MDN1: variants seen among roughly 807,000 people sequenced by gnomAD.
The protein encoded by MDN1 is midasin AAA ATPase 1.
A neutral mutation model predicts 669.2 loss-of-function variants in MDN1; 266 were observed. The observed-to-expected ratio is 0.40, with a 90% CI of 0.36 to 0.44. MDN1 has a LOEUF of 0.44. Among genes scored for constraint, MDN1 ranks in the 20% least tolerant of loss-of-function variants. The pLI is 1.00. For synonymous variants in MDN1, 2,385 were observed against 2,457.1 expected, an observed-to-expected ratio of 0.97 and a Z score of 0.87; for missense variants, 5,940 against 6,754.0, an observed-to-expected ratio of 0.88 and a Z score of 4.22.
chr6:89,689,122 T>C (rs1386152768), intron 65 of MDN1, among the ~76,000 whole-genome samples: 2 of 152,330 alleles, frequency 1.3e-5, no homozygotes, highest in East Asian at 3.9e-4. Context: ...GCTGAGATTG[T>C]GCCACTGCAC....
At position 89,690,032 on chromosome 6, in the gene MDN1, G is replaced by T. The variant is rs778110240; in HGVS notation, c.10861C>A (p.Gln3621Lys). 2 of 1,614,086 alleles carry T rather than the reference G, an allele frequency of 1.2e-6. No individual in the cohort carries two copies. Among genetic ancestry groups the T allele is most frequent in the Non-Finnish European group, 1.7e-6 (2 of 1,180,036 alleles). Reference protein sequence around the residue: ...NPALLSQNSMQAVMLIHQQLC... With the variant: ...NPALLSQNSMKAVMLIHQQLC... ...TGCTGGTGTATCAGCATTACTGCCT[G>T]CATTGAATTCTGGGAGAGGAGAGCT... is the stretch of plus-strand genomic sequence containing the variant. The change falls in exon 65 of 102, where the codon CAG becomes AAG. Residue 3621 changes from glutamine (Q) to lysine (K), a missense_variant. Gln to Lys is a moderately conservative substitution (Grantham distance 53). This residue lies in a region of MDN1 where 2,280 missense variants were observed against 2,576.3 expected (regional missense o/e 0.88). Transcript: ENST00000369393.
chr6:89,664,214 A>T (rs1409816455), intron 85 of MDN1, among the ~76,000 whole-genome samples: 1 of 90,606 alleles, frequency 1.1e-5, no homozygotes, highest in Non-Finnish European at 2.1e-5. Context: ...ATTAGGGATC[A>T]TCTCCTTTCA....
rs142428486 is a variant in MDN1 at position 89,749,269 on chromosome 6, G to A, written c.3716C>T (p.Pro1239Leu). ...ETILHKRCSL[P>L]PSYCSKLVKV... ...AACCAACTTGCTGCAATAGGAGGGT[G>A]GCAAACTACACCGCTTGTGCAAGAT... is the stretch of plus-strand genomic sequence containing the variant. Residue 1239 changes from proline to leucine, a missense_variant, in exon 26 of 102, where the codon CCA (proline) becomes CTA (leucine). Pro to Leu is a moderately conservative substitution (Grantham distance 98, BLOSUM62 -3). This residue lies in a region of MDN1 where 2,292 missense variants were observed against 2,638.3 expected (regional missense o/e 0.87). Transcript: ENST00000369393. 52 of 1,613,942 alleles carry A rather than the reference G, an allele frequency of 3.2e-5. No individual in the cohort carries two copies. The highest frequency in any genetic ancestry group is 4.2e-5 in the Non-Finnish European group (49 of 1,179,994).
At chr6:89,748,122 C>T (rs1050985293) in intron 26 of MDN1, among the ~76,000 whole-genome samples, 4 of 151,846 alleles carry the variant, frequency 2.6e-5, no homozygotes, top group Non-Finnish European at 4.4e-5. Context: ...GTCAGGAGAT[C>T]GAGACCATCC....
intron 1 of MDN1, among the ~76,000 whole-genome samples, chr6:89,813,514 G>C (rs1314945209): frequency 6.8e-6 from 1 of 146,354 alleles, no homozygotes; most frequent in Admixed American, 7.0e-5. Flanking sequence ...TCATGCCATT[G>C]CACTCCAGCC....
chr6:89,765,631 A>G (rs894550728), intron 15 of MDN1, among the ~76,000 whole-genome samples: 2 of 152,176 alleles, frequency 1.3e-5, no homozygotes, highest in African/African-American at 4.8e-5. Flanking sequence ...CTAGTCCTGA[A>G]AATAACAGTA....
At chr6:89,684,242 C>T (rs1391064967) in intron 71 of MDN1, among the ~76,000 whole-genome samples, 1 of 152,078 alleles carries the variant, frequency 6.6e-6, no homozygotes, top group Non-Finnish European at 1.5e-5. Context: ...ACTCGGGAGG[C>T]TGAGGCAGGA....
At chr6:89,661,958 C>G in intron 87 of MDN1, 129 bp downstream of exon 87, 1 of 1,084,390 alleles carries the variant, frequency 9.2e-7, no homozygotes, top group South Asian at 1.6e-5. Context: ...GTTGCATATT[C>G]TTTTATGAGG....
intron 33 of MDN1, 24 bp downstream of exon 33, chr6:89,738,302 C>T (rs749228467): frequency 3.7e-6 from 6 of 1,611,782 alleles, no homozygotes; most frequent in South Asian, 3.3e-5. Flanking sequence ...CCCAATACTA[C>T]CATCACCACC....
intron 17 of MDN1, among the ~76,000 whole-genome samples, chr6:89,761,424 A>G (rs1258967737): frequency 6.6e-6 from 1 of 152,206 alleles, no homozygotes; most frequent in Non-Finnish European, 1.5e-5. Context: ...ATGAATATAT[A>G]CAATTATAAT....
At chr6:89,786,494 C>T (rs1049431407) in intron 8 of MDN1, among the ~76,000 whole-genome samples, 4 of 151,950 alleles carry the variant, frequency 2.6e-5, no homozygotes, top group African/African-American at 7.3e-5. Context: ...GTAGTCCTAG[C>T]TACTCAAGAG....
rs1296253407 is a variant in MDN1, at chr6:89,729,062, A to G, written c.5218T>C (p.Leu1740=). The G allele has an allele frequency of 6.2e-7, 1 of 1,614,024 alleles. No homozygotes were observed. Among genetic ancestry groups the G allele is most frequent in the Non-Finnish European group, 8.5e-7 (1 of 1,179,946 alleles). The part of the protein sequence containing the change: ...GTTAMNAQRL[L]RATKLKKPIL... ...GGCTTCTTCAGTTTGGTAGCTCTTAAGAGCCTCTGTGCATTCATAGCAGTG... is the reference window on the plus strand; with the variant it reads ...GGCTTCTTCAGTTTGGTAGCTCTTAGGAGCCTCTGTGCATTCATAGCAGTG... The change falls in exon 36 of 102, where the codon TTA becomes CTA. Residue 1740 remains leucine (L), a synonymous_variant. Coordinates refer to ENST00000369393, the MANE Select transcript of MDN1 (RefSeq NM_014611.3).
chr6:89,745,573 G>C lies in MDN1; in HGVS notation c.3958C>G (p.Gln1320Glu). ...TTGAAATGTTTCTCAAGGACTTCTTGAATCACATCAATTTCCTCCTGCTTC... is the reference window on the plus strand; with the variant it reads ...TTGAAATGTTTCTCAAGGACTTCTTCAATCACATCAATTTCCTCCTGCTTC... ...VRKQEEIDVI[Q>E]EVLEKHFKKK... The change falls in exon 28 of 102, where the codon CAA (glutamine) becomes GAA (glutamate). Residue 1320 changes from glutamine (Q) to glutamate (E), a missense_variant. By Grantham distance (29) the Gln-to-Glu change is conservative. Coordinates refer to ENST00000369393, the MANE Select transcript of MDN1 (RefSeq NM_014611.3). 1 of 1,614,126 alleles carries C rather than the reference G, an allele frequency of 6.2e-7. No homozygotes were observed. The highest frequency in any genetic ancestry group is 1.3e-5 in the African/African-American group (1 of 75,042).
chr6:89,672,812 T>C, intron 80 of MDN1, 110 bp from the exon 81 acceptor site: 1 of 1,211,222 alleles, frequency 8.3e-7, no homozygotes, highest in Non-Finnish European at 1.1e-6. Context: ...AGCCACTGTG[T>C]CAAGCTGTGC....
chr6:89,796,183 G>C (rs1490702621), intron 2 of MDN1, among the ~76,000 whole-genome samples: 1 of 151,026 alleles, frequency 6.6e-6, no homozygotes, highest in African/African-American at 2.4e-5. Flanking sequence ...AATTAGCCAG[G>C]TGTGGTGGTG....
chr6:89,753,847 G>A (rs997902797), intron 21 of MDN1, among the ~76,000 whole-genome samples: 3 of 152,036 alleles, frequency 2.0e-5, no homozygotes, highest in Non-Finnish European at 2.9e-5. Context: ...CCAGGAGTTC[G>A]AGACCAGAGT....
chr6:89,813,097 C>T (rs780897895), intron 1 of MDN1, among the ~76,000 whole-genome samples: 17 of 152,164 alleles, frequency 1.1e-4, no homozygotes, highest in Non-Finnish European at 1.8e-4. Flanking sequence ...TGCGCCACCA[C>T]GCCCGGCTAA....
chr6:89,653,959 G>A (rs183732798), intron 93 of MDN1, among the ~76,000 whole-genome samples: 1 of 152,146 alleles, frequency 6.6e-6, no homozygotes, highest in Non-Finnish European at 1.5e-5. Flanking sequence ...ACTCCTTAAA[G>A]GATGGTGTCC....
Position 89,754,162 on chromosome 6 carries a change from T to TAGA in MDN1, c.2884_2885insTCT (p.His961_Tyr962insPhe), listed in dbSNP as rs1562183045. ...GGCCCGGCACAGAGTCCGAAGGCTGTAGTGAGGTCTATGGCCAGTGCCATC... is the reference window on the plus strand; with the variant it reads ...GGCCCGGCACAGAGTCCGAAGGCTGTAGAAGTGAGGTCTATGGCCAGTGCCATC... On this transcript the variant is annotated inframe_insertion, in exon 21 of 102. Transcript: ENST00000369393. 1 of 1,614,100 alleles carries TAGA rather than the reference T, an allele frequency of 6.2e-7. No homozygotes were observed. The highest frequency in any genetic ancestry group is 1.7e-5 in the Admixed American group (1 of 60,018).
Sources: allele counts gnomAD v4.1 joint callset (sites outside exome capture counted in the v4.1 genomes callset), GRCh38; gene constraint gnomAD v4.1.1; regional missense constraint gnomAD v4.1.1; transcripts MANE v1.5; gene names NCBI Gene and HGNC (gene_info 2026-07-23, HGNC 2026-07-21).